Variants in PLS3 observed in about 807,000 individuals in gnomAD.
PLS3 encodes plastin-3.
A neutral mutation model predicts 46.5 loss-of-function variants in PLS3; 11 were observed. That is an observed-to-expected ratio of 0.24 (90% CI 0.15 to 0.39). The LOEUF is 0.39. PLS3 is among the 10% of genes least tolerant of loss of function. The pLI is 1.00. For missense variants in PLS3, 308 were observed against 461.8 expected (o/e 0.67, Z 3.05); for synonymous variants, 167 against 162.2 (o/e 1.03, Z -0.22).
rs199893556 is a variant in PLS3, at chrX:115,647,584, G to A, written c.1546G>A (p.Gly516Ser). 1.7e-6 allele frequency: 2 copies of A among 1,203,051 alleles called. No homozygotes were observed. The highest frequency in any genetic ancestry group is 2.3e-6 in the Non-Finnish European group (2 of 887,483). ...CAATGTCCTGGAAGATCTTGGAGAT[G>A]GTCAGAAAGCCAATGACGACATCAT... ...TLNVLEDLGD[G>S]QKANDDIIVN... Residue 516 changes from glycine (G) to serine (S), a missense_variant, in exon 14 of 16, where the codon GGT becomes AGT. This residue lies in a region of PLS3 where 271 missense variants were observed against 435.7 expected (regional missense o/e 0.62). Transcript: ENST00000355899.
chrX:115,628,817 G>C (rs1239764097), intron 3 of PLS3, among the ~76,000 whole-genome samples: 2 of 111,575 alleles, frequency 1.8e-5, no homozygotes, highest in African/African-American at 6.5e-5. Flanking sequence ...ATCTTTCTTT[G>C]CATTAAGAAT....
At chrX:115,600,769 A>G (rs1346059440) in intron 1 of PLS3, among the ~76,000 whole-genome samples, 2 of 111,697 alleles carry the variant, frequency 1.8e-5, no homozygotes, top group East Asian at 2.8e-4. Context: ...GCAAGATTCT[A>G]AATTCTCTGG....
chrX:115,569,493 T>C (rs1224614801), intron 1 of PLS3, among the ~76,000 whole-genome samples: 1 of 111,839 alleles, frequency 8.9e-6, no homozygotes, highest in Non-Finnish European at 1.9e-5. Context: ...ACTCAGAGTT[T>C]TACATTTCAT....
At chrX:115,590,204 A>G (rs1297103062) in intron 1 of PLS3, among the ~76,000 whole-genome samples, 1 of 111,169 alleles carries the variant, frequency 9.0e-6, no homozygotes, top group Non-Finnish European at 1.9e-5. Flanking sequence ...ATCTAGAGAG[A>G]GTGACAGTGA....
intron 2 of PLS3, among the ~76,000 whole-genome samples, chrX:115,614,943 C>T (rs1480329887): frequency 1.8e-5 from 2 of 111,012 alleles, no homozygotes; most frequent in African/African-American, 6.6e-5. Context: ...ATAGAGAGGT[C>T]GCATGTGTAT....
chrX:115,565,994 A>G (rs1376621751), intron 1 of PLS3, among the ~76,000 whole-genome samples: 2 of 112,323 alleles, frequency 1.8e-5, no homozygotes, highest in Non-Finnish European at 3.8e-5. Flanking sequence ...TAAGTAACTC[A>G]TTGAAATTTT....
chrX:115,636,557 T>A (rs1394907579), intron 7 of PLS3, among the ~76,000 whole-genome samples: 2 of 112,084 alleles, frequency 1.8e-5, no homozygotes, highest in Non-Finnish European at 3.8e-5. Flanking sequence ...TACAAACATA[T>A]GACATAATGT....
chrX:115,616,106 A>C (rs1232558486), intron 2 of PLS3, among the ~76,000 whole-genome samples: 1 of 112,052 alleles, frequency 8.9e-6, no homozygotes, highest in African/African-American at 3.2e-5. Context: ...ATTTTGGGTC[A>C]GTTTATTATT....
Position 115,643,507 on chromosome X carries a change from A to G in PLS3, c.1182A>G (p.Glu394=). Residue 394 remains glutamate (E), a splice_region_variant and synonymous_variant, in exon 10 of 16, where the codon GAA becomes GAG. Coordinates refer to ENST00000355899, the MANE Select transcript of PLS3 (RefSeq NM_005032.7). ...AGGATATTGACTGGACTCTATTAGA[A>G]GGTAACTAAAAACCTCAATTTCGAA... ...ENQDIDWTLL[E]GETREERTFR... The G allele has an allele frequency of 8.9e-7, 1 of 1,129,692 alleles. No individual in the cohort carries two copies. The highest frequency in any genetic ancestry group is 1.2e-6 in the Non-Finnish European group (1 of 822,657). The allele number at this position is 1,129,692 out of a possible 1,213,427, so 93.1% of individuals were successfully genotyped here.
chrX:115,586,506 T>C (rs1435370730), intron 1 of PLS3, among the ~76,000 whole-genome samples: 3 of 81,777 alleles, frequency 3.7e-5, no homozygotes, highest in African/African-American at 1.5e-4. Context: ...CGGTCTCTAC[T>C]AAAAATACAA....
At chrX:115,631,905 G>A (rs918411696) in intron 5 of PLS3, among the ~76,000 whole-genome samples, 1 of 110,764 alleles carries the variant, frequency 9.0e-6, no homozygotes, top group Non-Finnish European at 1.9e-5. Flanking sequence ...CCAGTTTCAA[G>A]CAATTCTTAT....
intron 8 of PLS3, among the ~76,000 whole-genome samples, chrX:115,637,677 A>C (rs5987958): frequency 0.18 from 19,744 of 111,024 alleles, 1,534 homozygotes; most frequent in South Asian, 0.45. Context: ...CATTGTGTGG[A>C]GTTCTCCTTA....
chrX:115,636,230 G>A (rs1469195466), intron 7 of PLS3, among the ~76,000 whole-genome samples: 112 of 87,133 alleles, frequency 1.3e-3, no homozygotes, highest in African/African-American at 4.7e-3. Context: ...TTTTTGAGAC[G>A]GAGTCTCGCT....
chrX:115,610,916 T>C (rs2074542379), intron 2 of PLS3: 2 of 987,125 alleles, frequency 2.0e-6, no homozygotes. Flanking sequence ...TGAGCAGCTA[T>C]GGAAGGTAAA....
intron 3 of PLS3, among the ~76,000 whole-genome samples, chrX:115,626,169 A>T (rs2074708372): frequency 8.9e-6 from 1 of 112,545 alleles, no homozygotes; most frequent in African/African-American, 3.2e-5. Flanking sequence ...TTGTACTCAA[A>T]TAGTTTTATC....
Position 115,647,365 on chromosome X carries a change from G to A in PLS3, c.1512-185G>A, listed in dbSNP as rs144306658. 0.017 allele frequency among the ~76,000 whole-genome samples: 1,879 copies of A among 111,981 alleles called. 13 individuals carry two copies. The highest frequency in any genetic ancestry group is 0.037 in the Middle Eastern group (8 of 216). ...GGAGAATGGTGTGAACCCGGGAGGC[G>A]GAGCTTGCAGTGAGCAGGAGATTGC... On this transcript the variant is annotated intron_variant, in intron 13 of 15. Coordinates refer to ENST00000355899, the MANE Select transcript of PLS3 (RefSeq NM_005032.7).
intron 9 of PLS3, among the ~76,000 whole-genome samples, chrX:115,643,108 G>A (rs1425703710): frequency 9.0e-6 from 1 of 111,265 alleles, no homozygotes; most frequent in Non-Finnish European, 1.9e-5. Flanking sequence ...AGTTTGCTGT[G>A]TGATCTGGCG....
At chrX:115,647,796 CGA>C (rs1379926812) in intron 14 of PLS3, 95 bp from the exon 15 acceptor site, 4 of 1,141,969 alleles carry the variant, frequency 3.5e-6, no homozygotes, top group Admixed American at 4.8e-5. Context: ...CAATTCTTTA[CGA>C]ATTCACTGGG....
At chrX:115,601,552 C>G (rs1603229811) in intron 1 of PLS3, among the ~76,000 whole-genome samples, 1 of 108,782 alleles carries the variant, frequency 9.2e-6, no homozygotes, top group Admixed American at 9.9e-5. Context: ...TTAATGGGTG[C>G]AGCACACCAA....
Sources: gnomAD v4.1 joint callset for allele counts (sites outside exome capture counted in the v4.1 genomes callset) on GRCh38, gnomAD v4.1.1 for gene constraint, gnomAD v4.1.1 regional missense constraint, MANE v1.5 for transcripts, NCBI Gene and HGNC (gene_info 2026-07-23, HGNC 2026-07-21) for gene names.